The following ARL15 variants were observed in gnomAD, a reference collection of about 807,000 sequenced individuals.
ARL15 encodes the protein ARF like GTPase 15, also known as ADP-ribosylation factor-like protein 15.
A neutral mutation model predicts 25.2 loss-of-function variants in ARL15; 19 were observed. The observed-to-expected ratio is 0.75, with a 90% CI of 0.53 to 1.10. The LOEUF (loss-of-function observed/expected upper bound fraction) is 1.10. Among genes scored for constraint, ARL15 ranks in the 50% least tolerant of loss-of-function variants. The pLI, the probability that ARL15 is intolerant of heterozygous loss-of-function variation, is 0.00. For synonymous variants in ARL15, 94 were observed against 86.8 expected (o/e 1.08, Z -0.46); for missense variants, 220 against 246.0 (o/e 0.89, Z 0.71).
intron 4 of ARL15, among the ~76,000 whole-genome samples, chr5:53,905,534 C>A (rs560850661): frequency 1.3e-5 from 2 of 152,194 alleles, no homozygotes; most frequent in African/African-American, 2.4e-5. Context: ...ATAAAGTATA[C>A]CCATCAAGAA....
intron 1 of ARL15, among the ~76,000 whole-genome samples, chr5:54,176,771 G>A (rs1187220216): frequency 6.6e-6 from 1 of 152,138 alleles, no homozygotes; most frequent in Non-Finnish European, 1.5e-5. Context: ...GATGTTATGA[G>A]GCCTGGGTGC....
At chr5:54,291,073 A>C (rs1758307950) in intron 1 of ARL15, among the ~76,000 whole-genome samples, 1 of 152,246 alleles carries the variant, frequency 6.6e-6, no homozygotes, top group African/African-American at 2.4e-5. Flanking sequence ...TAAAGGTTCA[A>C]AAAAATTTCT....
At chr5:54,301,829 T>G (rs1016279715) in intron 1 of ARL15, among the ~76,000 whole-genome samples, 1 of 152,090 alleles carries the variant, frequency 6.6e-6, no homozygotes, top group African/African-American at 2.4e-5. Flanking sequence ...TGGACATAAT[T>G]AGTGGGATAA....
chr5:54,273,975 A>C (rs914605340), intron 1 of ARL15, among the ~76,000 whole-genome samples: 2 of 152,188 alleles, frequency 1.3e-5, no homozygotes, highest in Non-Finnish European at 2.9e-5. Context: ...CTAGAGTTCA[A>C]AGGAGGCCGT....
At chr5:53,977,224 G>T (rs982470530) in intron 4 of ARL15, among the ~76,000 whole-genome samples, 1 of 152,038 alleles carries the variant, frequency 6.6e-6, no homozygotes. Flanking sequence ...GGGCGTGGTG[G>T]CGGGCGCCTG....
At chr5:54,136,649 CAA>C (rs1231116668) in intron 3 of ARL15, among the ~76,000 whole-genome samples, 1 of 152,100 alleles carries the variant, frequency 6.6e-6, no homozygotes, top group African/African-American at 2.4e-5. Flanking sequence ...CTTAAGCACA[CAA>C]GATAGAATTC....
intron 4 of ARL15, among the ~76,000 whole-genome samples, chr5:54,049,498 G>A (rs1004503732): frequency 1.3e-5 from 2 of 152,134 alleles, no homozygotes; most frequent in African/African-American, 4.8e-5. Flanking sequence ...TATCAAGAAA[G>A]TAAATATCCA....
intron 3 of ARL15, among the ~76,000 whole-genome samples, chr5:54,114,416 A>AAAAAAAAAAAAAAAAAAAAAAAC (rs1752835714): frequency 6.7e-6 from 1 of 149,524 alleles, no homozygotes; most frequent in African/African-American, 2.5e-5. Context: ...GAAAAAAAAA[A>AAAAAAAAAAAAAAAAAAAAAAAC]AAAAAAGCAA....
intron 4 of ARL15, among the ~76,000 whole-genome samples, chr5:53,923,482 T>C (rs2112024965): frequency 6.6e-6 from 1 of 152,202 alleles, no homozygotes; most frequent in Non-Finnish European, 1.5e-5. Flanking sequence ...TTGCTGGATG[T>C]TGTCAGATGC....
chr5:54,063,130 C>G (rs780278310), intron 4 of ARL15, among the ~76,000 whole-genome samples: 1 of 152,158 alleles, frequency 6.6e-6, no homozygotes, highest in Non-Finnish European at 1.5e-5. Flanking sequence ...GGGGGAAAAA[C>G]CCCTAAACAA....
At chr5:54,265,005 G>C (rs1027214640) in intron 1 of ARL15, among the ~76,000 whole-genome samples, 9 of 152,140 alleles carry the variant, frequency 5.9e-5, no homozygotes, top group Non-Finnish European at 1.3e-4. Context: ...ACTGCCTCAA[G>C]TACCATGCCA....
chr5:54,192,981 G>GT (rs1225562524), intron 1 of ARL15, among the ~76,000 whole-genome samples: 1 of 152,120 alleles, frequency 6.6e-6, no homozygotes, highest in African/African-American at 2.4e-5. Context: ...CATTTGACAT[G>GT]TTTCACGTAG....
intron 4 of ARL15, among the ~76,000 whole-genome samples, chr5:53,995,819 G>A (rs914263615): frequency 4.3e-4 from 63 of 145,702 alleles, no homozygotes; most frequent in African/African-American, 1.4e-3. Context: ...ATTCCCATAC[G>A]TTCCCCAAAG....
chr5:54,053,842 T>C (rs1026552782), intron 4 of ARL15, among the ~76,000 whole-genome samples: 4 of 152,208 alleles, frequency 2.6e-5, no homozygotes, highest in Non-Finnish European at 2.9e-5. Flanking sequence ...GTGTCCTGTA[T>C]GGGATCCTGG....
chr5:54,303,697 GAAGA>G (rs1758673996), intron 1 of ARL15, among the ~76,000 whole-genome samples: 1 of 133,576 alleles, frequency 7.5e-6, no homozygotes, highest in African/African-American at 2.8e-5. Flanking sequence ...AGGAAAAAAA[GAAGA>G]AAGAGGAGGA....
chr5:54,129,793 C>A (rs1753377509), intron 3 of ARL15, among the ~76,000 whole-genome samples: 1 of 152,176 alleles, frequency 6.6e-6, no homozygotes, highest in Admixed American at 6.5e-5. Flanking sequence ...TTAAAGCAAA[C>A]CGTTAATATT....
chr5:53,906,638 T>C (rs370328899), intron 4 of ARL15, among the ~76,000 whole-genome samples: 9 of 152,288 alleles, frequency 5.9e-5, no homozygotes, highest in African/African-American at 2.2e-4. Flanking sequence ...CATGGAGGAA[T>C]TGAAAAGAGT....
intron 4 of ARL15, among the ~76,000 whole-genome samples, chr5:53,911,054 G>A (rs545399724): frequency 1.3e-5 from 2 of 152,004 alleles, no homozygotes; most frequent in African/African-American, 4.8e-5. Flanking sequence ...CTCTTTCCTT[G>A]GCATAACTGC....
At chr5:53,991,557 A>G (rs1231371741) in intron 4 of ARL15, among the ~76,000 whole-genome samples, 1 of 140,024 alleles carries the variant, frequency 7.1e-6, no homozygotes, top group Non-Finnish European at 1.6e-5. Flanking sequence ...AAAAAAAAAA[A>G]AAAAGGGGGG....
Sources: allele counts gnomAD v4.1 joint callset (sites outside exome capture counted in the v4.1 genomes callset), GRCh38; gene constraint gnomAD v4.1.1; transcripts MANE v1.5; gene names NCBI Gene and HGNC (gene_info 2026-07-23, HGNC 2026-07-21).